The following CTDSPL variants were observed in gnomAD, a reference collection of about 807,000 sequenced individuals.
CTDSPL encodes CTD small phosphatase-like protein.
CTDSPL carries 8 observed loss-of-function variants against 30.5 expected under a neutral mutation model. The observed-to-expected ratio is 0.26, with a 90% CI of 0.15 to 0.47. CTDSPL has a LOEUF of 0.47. CTDSPL is among the 20% of genes least tolerant of loss of function. The pLI, the probability that CTDSPL is intolerant of heterozygous loss-of-function variation, is 0.99. For missense variants in CTDSPL, 248 were observed against 366.1 expected (o/e 0.68, Z 2.63); for synonymous variants, 110 against 137.9 (o/e 0.80, Z 1.42).
At chr3:37,890,199 C>T (rs1256793448) in intron 1 of CTDSPL, among the ~76,000 whole-genome samples, 2 of 152,260 alleles carry the variant, frequency 1.3e-5, no homozygotes, top group Admixed American at 6.5e-5. Flanking sequence ...TATGCGCGCA[C>T]ACCCACACAG....
chr3:37,942,358 A>T (rs116013842), intron 1 of CTDSPL, among the ~76,000 whole-genome samples: 2,391 of 150,620 alleles, frequency 0.016, 105 homozygotes, highest in African/African-American at 0.054. Flanking sequence ...TAAAATGTAT[A>T]TAGCCTGGGT....
At chr3:37,939,139 C>T (rs1186382699) in intron 1 of CTDSPL, among the ~76,000 whole-genome samples, 1 of 150,186 alleles carries the variant, frequency 6.7e-6, no homozygotes, top group East Asian at 1.9e-4. Context: ...TGTCTGGATA[C>T]AAGCTAAATT....
At chr3:37,965,959 A>G (rs1699294932) in intron 4 of CTDSPL, among the ~76,000 whole-genome samples, 2 of 152,178 alleles carry the variant, frequency 1.3e-5, no homozygotes, top group Admixed American at 1.3e-4. Flanking sequence ...TTAACCCTAG[A>G]TAGCATTGGA....
Position 37,862,157 on chromosome 3 carries a change from T to C in CTDSPL, c.-43T>C. 1 of 988,794 alleles carries C rather than the reference T, an allele frequency of 1.0e-6. No individual in the cohort carries two copies. The highest frequency in any genetic ancestry group is 4.9e-4 in the Middle Eastern group (1 of 2,040). The allele number at this position is 988,794 out of a possible 1,614,324, so 61.3% of individuals were successfully genotyped here. On this transcript the variant is annotated 5_prime_UTR_variant, in exon 1 of 8. Transcript: ENST00000273179. This position sits in a 1 kb window ranked among gnomAD's most constrained non-coding sequence, Gnocchi z 4.3. ...GCGCCGCGCCCCCGCGCGCTTGGCT[T>C]GCGGGGGGCCGGGCCTGCGGGCGGC... is the stretch of plus-strand genomic sequence containing the variant.
At chr3:37,864,025 G>C (rs1424050675) in intron 1 of CTDSPL, among the ~76,000 whole-genome samples, 2 of 152,168 alleles carry the variant, frequency 1.3e-5, no homozygotes, top group Admixed American at 1.3e-4. Flanking sequence ...CCTGCCATAG[G>C]GGCTGTTAGT....
intron 3 of CTDSPL, among the ~76,000 whole-genome samples, chr3:37,964,045 A>G (rs1699272038): frequency 7.0e-6 from 1 of 142,402 alleles, no homozygotes; most frequent in East Asian, 2.0e-4. Context: ...AAAAAAAAAA[A>G]AAAAAAAAAA....
intron 1 of CTDSPL, among the ~76,000 whole-genome samples, chr3:37,904,502 G>A (rs1327147940): frequency 6.6e-6 from 1 of 152,074 alleles, no homozygotes; most frequent in Non-Finnish European, 1.5e-5. Flanking sequence ...ATGATAAATG[G>A]GGGCACCTGT....
At position 37,943,223 on chromosome 3, in the gene CTDSPL, G is replaced by A. The variant is rs930655985; in HGVS notation, c.80-3834G>A. ...AAAGACACAGCTCAGTCAGACACAC[G>A]TTCATTTGGGAGTTTAGTGGCCAAA... is the stretch of plus-strand genomic sequence containing the variant. On this transcript the variant is annotated intron_variant, in intron 1 of 7. Coordinates refer to ENST00000273179, the MANE Select transcript of CTDSPL (RefSeq NM_001008392.2). Among the ~76,000 whole-genome samples, 10 of 150,262 alleles carry A rather than the reference G, an allele frequency of 6.7e-5. 1 individual carries two copies. The highest frequency in any genetic ancestry group is 1.3e-4 in the Non-Finnish European group (9 of 67,040).
At chr3:37,906,661 C>T (rs746725787) in intron 1 of CTDSPL, among the ~76,000 whole-genome samples, 2 of 152,144 alleles carry the variant, frequency 1.3e-5, no homozygotes, top group Non-Finnish European at 2.9e-5. Flanking sequence ...AGGACAAGAG[C>T]CACTGATGCC....
At chr3:37,873,947 T>A (rs4117602) in intron 1 of CTDSPL, among the ~76,000 whole-genome samples, 3,371 of 152,362 alleles carry the variant, frequency 0.022, 47 homozygotes, top group Non-Finnish European at 0.032. Context: ...AAATGTATTT[T>A]AAATCTAATA....
At chr3:37,912,995 G>A (rs11709454) in intron 1 of CTDSPL, among the ~76,000 whole-genome samples, 8,873 of 152,286 alleles carry the variant, frequency 0.058, 293 homozygotes, top group African/African-American at 0.085. Flanking sequence ...TAGATAGTTT[G>A]ATTAGAAGTA....
At chr3:37,898,119 G>A (rs1452468434) in intron 1 of CTDSPL, among the ~76,000 whole-genome samples, 1 of 152,108 alleles carries the variant, frequency 6.6e-6, no homozygotes, top group Non-Finnish European at 1.5e-5. Flanking sequence ...CACATTTATT[G>A]CCGGAATGAG....
chr3:37,916,001 G>C (rs1698641434), intron 1 of CTDSPL, among the ~76,000 whole-genome samples: 1 of 152,200 alleles, frequency 6.6e-6, no homozygotes, highest in Non-Finnish European at 1.5e-5. Flanking sequence ...GATGGCCTCT[G>C]AGAACGAGTC....
At position 37,975,705 on chromosome 3, in the gene CTDSPL, C is replaced by G; in HGVS notation, c.520-4C>G. ...CAGCCTTCATTGTGACACGTCTTTT[C>G]CAGTATGCAGACCCTGTGGCTGACC... On this transcript the variant is annotated splice_polypyrimidine_tract_variant and splice_region_variant and intron_variant, in intron 6 of 7. Transcript: ENST00000273179. This position sits in a 1 kb window ranked among gnomAD's most constrained non-coding sequence, Gnocchi z 4.9. 6.2e-7 allele frequency: 1 copy of G among 1,600,602 alleles called. No individual in the cohort carries two copies. Among genetic ancestry groups the G allele is most frequent in the Non-Finnish European group, 8.5e-7 (1 of 1,170,538 alleles).
chr3:37,981,978 A>G lies in CTDSPL; in HGVS notation c.*1111A>G, dbSNP rs1166447720. 2.2e-6 allele frequency: 1 copy of G among 447,316 alleles called. No individual in the cohort carries two copies. The highest frequency in any genetic ancestry group is 4.5e-6 in the Non-Finnish European group (1 of 220,554). The allele number at this position is 447,316 out of a possible 1,614,324, so 27.7% of individuals were successfully genotyped here. On this transcript the variant is annotated 3_prime_UTR_variant, in exon 8 of 8. Transcript: ENST00000273179. ...GCTACAAACTCGGACAGGGTCAGAA[A>G]CAGAGGTGTCCCATCCCATTGCAGC...
chr3:37,980,854 T>A lies in CTDSPL; in HGVS notation c.818T>A (p.Leu273His). ...EDDVYSMLHR[L>H]CNR is the part of the protein sequence containing the mutation. ...GACGTGTACAGCATGCTGCACAGAC[T>A]CTGCAATAGGTAGCCCTGGCCTCTG... is the stretch of plus-strand genomic sequence containing the variant. The change falls in exon 8 of 8, where the codon CTC becomes CAC. Residue 273 changes from leucine (L) to histidine (H), a missense_variant. Physicochemically the swap from Leu to His is moderately conservative, Grantham distance 99. Coordinates refer to ENST00000273179, the MANE Select transcript of CTDSPL (RefSeq NM_001008392.2). 6.2e-7 allele frequency: 1 copy of A among 1,613,968 alleles called. No homozygotes were observed. The highest frequency in any genetic ancestry group is 8.5e-7 in the Non-Finnish European group (1 of 1,179,926).
chr3:37,927,344 A>G (rs1698791840), intron 1 of CTDSPL, among the ~76,000 whole-genome samples: 1 of 152,142 alleles, frequency 6.6e-6, no homozygotes, highest in South Asian at 2.1e-4. Context: ...CTATGTGTTT[A>G]AGGTATATAT....
At chr3:37,969,867 C>G (rs1303408207) in intron 5 of CTDSPL, among the ~76,000 whole-genome samples, 1 of 152,074 alleles carries the variant, frequency 6.6e-6, no homozygotes, top group Non-Finnish European at 1.5e-5. Flanking sequence ...CTCCTGAGCT[C>G]CTGCTTCTGG....
chr3:37,911,783 G>T (rs755933198), intron 1 of CTDSPL: 28 of 454,928 alleles, frequency 6.2e-5, no homozygotes, highest in South Asian at 4.2e-4. Flanking sequence ...GGACAGCCAG[G>T]CGCGGTGGTT....
Sources: gnomAD v4.1 joint callset for allele counts (sites outside exome capture counted in the v4.1 genomes callset) on GRCh38, gnomAD v4.1.1 for gene constraint, Gnocchi (gnomAD v3.1) non-coding constraint, MANE v1.5 for transcripts, NCBI Gene and HGNC (gene_info 2026-07-23, HGNC 2026-07-21) for gene names.